Variants in DHX58 observed in about 807,000 individuals in gnomAD.
The protein encoded by DHX58 is ATP-dependent RNA helicase DHX58.
A neutral mutation model predicts 65.0 loss-of-function variants in DHX58; 51 were observed. The ratio of observed to expected loss-of-function variants is 0.78; its 90% CI spans 0.63 to 0.99. The LOEUF is 0.99. DHX58 is among the 50% of genes least tolerant of loss of function. The pLI, the probability that DHX58 is intolerant of heterozygous loss-of-function variation, is 0.00. For synonymous variants in DHX58, 350 were observed against 365.0 expected, an observed-to-expected ratio of 0.96 and a Z score of 0.47; for missense variants, 773 against 891.8, an observed-to-expected ratio of 0.87 and a Z score of 1.70.
chr17:42,108,750 A>C (rs1273415986), intron 6 of DHX58, among the ~76,000 whole-genome samples: 2 of 151,022 alleles, frequency 1.3e-5, no homozygotes, highest in Non-Finnish European at 3.0e-5. Flanking sequence ...CAGACAGCCC[A>C]GATAAAGGTG....
Position 42,107,760 on chromosome 17 carries a change from C to T in DHX58, c.841G>A (p.Ala281Thr), listed in dbSNP as rs782754540. 11 of 1,595,182 alleles carry T rather than the reference C, an allele frequency of 6.9e-6. No homozygotes were observed. The East Asian group carries it at 2.0e-4, about 30-fold the overall frequency. Residue 281 changes from alanine (A) to threonine (T), a missense_variant, in exon 8 of 14, where the codon GCG (alanine) becomes ACG (threonine). Physicochemically the swap from Ala to Thr is moderately conservative, Grantham distance 58. Transcript: ENST00000251642. ...TCATTGTAGCGCCTCAGGTGAAGCG[C>T]ATACACCCGTTGCTCCTGAAGCCCA... The part of the protein sequence containing the change: ...LAGLQEQRVY[A>T]LHLRRYNDAL...
chr17:42,101,638 G>T lies in DHX58; in HGVS notation c.*123C>A. 1 of 1,361,164 alleles carries T rather than the reference G, an allele frequency of 7.3e-7. No homozygotes were observed. Among genetic ancestry groups the T allele is most frequent in the Non-Finnish European group, 1.0e-6 (1 of 995,588 alleles). 84.3% of individuals were successfully genotyped at this position (1,361,164 alleles called of 1,614,324 possible). A position where few individuals can be genotyped will look rare whatever the true frequency, so the allele number is the denominator to read the frequency against. ...CGGGAGCCTAAGCCAGGGTGCCCAG[G>T]ACTCCTGTGTGGCTGGTGGGCCTGA... On this transcript the variant is annotated 3_prime_UTR_variant, in exon 14 of 14. Transcript: ENST00000251642.
intron 7 of DHX58, 73 bp from the exon 8 acceptor site, chr17:42,107,868 C>T (rs920179457): frequency 1.3e-6 from 2 of 1,549,134 alleles, no homozygotes; most frequent in Admixed American, 3.9e-5. Flanking sequence ...GGCCGTCCCA[C>T]TCGACTCCAC....
chr17:42,108,787 T>A (rs1168106225), intron 6 of DHX58, among the ~76,000 whole-genome samples: 1 of 152,224 alleles, frequency 6.6e-6, no homozygotes, highest in Non-Finnish European at 1.5e-5. Flanking sequence ...CGCTGCTGAA[T>A]AAAACTACAT....
Position 42,105,951 on chromosome 17 carries a change from G to T in DHX58, c.1036C>A (p.Pro346Thr). Residue 346 changes from proline to threonine, a missense_variant, in exon 9 of 14, where the codon CCA becomes ACA. Coordinates refer to ENST00000251642, the MANE Select transcript of DHX58 (RefSeq NM_024119.3). ...AGCATCTCCAGTTTTGGATTCTCTG[G>T]GCCATGAGTTGCCAAGTGGGCCAGC... ...NELAHLATHGPENPKLEMLEK... is the reference protein window; with the variant it reads ...NELAHLATHGTENPKLEMLEK... 6.2e-7 allele frequency: 1 copy of T among 1,613,658 alleles called. No individual in the cohort carries two copies. Among genetic ancestry groups the T allele is most frequent in the Non-Finnish European group, 8.5e-7 (1 of 1,179,956 alleles).
rs1555661564 is a variant in DHX58, at chr17:42,101,771, G to C, written c.2027C>G (p.Ser676Cys). ...GCAGCAATGAGGTGGTCAGTCCAGGGAGAGGTCCGACAAGTTCTCGGCACA... is the reference window on the plus strand; with the variant it reads ...GCAGCAATGAGGTGGTCAGTCCAGGCAGAGGTCCGACAAGTTCTCGGCACA... Reference protein sequence around the residue: ...QHCAENLSDLSLD With the variant: ...QHCAENLSDLCLD Residue 676 changes from serine (S) to cysteine (C), a missense_variant, in exon 14 of 14, where the codon TCC (serine) becomes TGC (cysteine). Ser to Cys is a moderately radical substitution (Grantham distance 112). Coordinates refer to ENST00000251642, the MANE Select transcript of DHX58 (RefSeq NM_024119.3). 3.7e-6 allele frequency: 6 copies of C among 1,614,152 alleles called. No homozygotes were observed. The highest frequency in any genetic ancestry group is 5.1e-6 in the Non-Finnish European group (6 of 1,180,024).
At chr17:42,107,458 G>T (rs1251759016) in intron 8 of DHX58, 146 bp downstream of exon 8, 11 of 879,576 alleles carry the variant, frequency 1.3e-5, no homozygotes, top group Non-Finnish European at 1.8e-5. Flanking sequence ...CCTACCCATG[G>T]CCTTGGATTT....
At chr17:42,111,625 G>A in intron 3 of DHX58, 100 bp downstream of exon 3, 1 of 1,567,306 alleles carries the variant, frequency 6.4e-7, no homozygotes. Context: ...GCTTAGCGAT[G>A]GCCACAGCAG....
At chr17:42,110,987 C>G in intron 4 of DHX58, 74 bp from the exon 5 acceptor site, 4 of 1,468,532 alleles carry the variant, frequency 2.7e-6, no homozygotes, top group Non-Finnish European at 3.7e-6. Context: ...AAGTAGTCCC[C>G]ACAATGATGT....
At position 42,106,815 on chromosome 17, in the gene DHX58, A is replaced by G. The variant is rs145944253; in HGVS notation, c.997+789T>C. Among the ~76,000 whole-genome samples the G allele has an allele frequency of 5.3e-3, 806 of 151,496 alleles. 6 individuals are homozygous for G. The highest frequency in any genetic ancestry group is 0.019 in the African/African-American group (762 of 41,122). On this transcript the variant is annotated intron_variant, in intron 8 of 13. Transcript: ENST00000251642. Reference sequence around the variant, plus strand: ...ACTCCCTCTCAAAAAAACAAAAACAAAAACAAAAAAGGATGCCTCCTACCG... The same window carrying G: ...ACTCCCTCTCAAAAAAACAAAAACAGAAACAAAAAAGGATGCCTCCTACCG...
intron 11 of DHX58, among the ~76,000 whole-genome samples, chr17:42,104,257 G>A (rs1266262947): frequency 1.3e-5 from 2 of 152,040 alleles, no homozygotes; most frequent in African/African-American, 4.8e-5. Flanking sequence ...GTAGTCGGGG[G>A]CAACAGTGGG....
chr17:42,112,081 T>G, intron 2 of DHX58, 32 bp downstream of exon 2: 1 of 684,622 alleles, frequency 1.5e-6, no homozygotes, highest in Non-Finnish European at 2.3e-6. Flanking sequence ...TAACACAGGC[T>G]ACACCTGCCC....
In DHX58 at chr17:42,108,592, C is replaced by T. The variant is rs535097694; in HGVS notation, c.679-484G>A. On this transcript the variant is annotated intron_variant, in intron 6 of 13. Coordinates refer to ENST00000251642, the MANE Select transcript of DHX58 (RefSeq NM_024119.3). ...GCTACTAACCCCTGCAAGGGACAGC[C>T]GGTCGCCTTGAAGGTGGGCAGTGGG... Among the ~76,000 whole-genome samples, 44 of 152,316 alleles carry T rather than the reference C, an allele frequency of 2.9e-4. 1 individual carries two copies. The South Asian group carries it at 7.7e-3, about 27-fold the overall frequency.
intron 4 of DHX58, 23 bp from the exon 5 acceptor site, chr17:42,110,936 T>C (rs782801247): frequency 6.4e-7 from 1 of 1,564,616 alleles, no homozygotes; most frequent in Non-Finnish European, 8.7e-7. Flanking sequence ...GGGGGAAGGC[T>C]GTGACCTATG....
rs114326479 is a variant in DHX58 at position 42,108,125 on chromosome 17, T to C, written c.679-17A>G. On this transcript the variant is annotated splice_polypyrimidine_tract_variant and intron_variant, in intron 6 of 13. Coordinates refer to ENST00000251642, the MANE Select transcript of DHX58 (RefSeq NM_024119.3). ...AAACGGATCCTGAGCAAGAGGAGAG[T>C]TGGAGGGGATTCCCATACACGTTGG... is the stretch of plus-strand genomic sequence containing the variant. 3 of 1,613,936 alleles carry C rather than the reference T, an allele frequency of 1.9e-6. No homozygotes were observed. In the South Asian group the frequency reaches 3.3e-5, roughly 18 times the overall value.
At position 42,107,963 on chromosome 17, in the gene DHX58, G is replaced by T; in HGVS notation, c.805+19C>A. 6.2e-7 allele frequency: 1 copy of T among 1,613,890 alleles called. No homozygotes were observed. Among genetic ancestry groups the T allele is most frequent in the Non-Finnish European group, 8.5e-7 (1 of 1,179,970 alleles). ...CACTCCCACATCCTCGCCTCCGCCA[G>T]AAGGGCTGCCCCTCTCACCAGCCTC... On this transcript the variant is annotated intron_variant, in intron 7 of 13. Transcript: ENST00000251642.
rs568281152 is a variant in DHX58, at chr17:42,107,729, A to C, written c.872T>G (p.Leu291Arg). The change falls in exon 8 of 14, where the codon CTG becomes CGG. Residue 291 changes from leucine to arginine, a missense_variant. Coordinates refer to ENST00000251642, the MANE Select transcript of DHX58 (RefSeq NM_024119.3). Reference protein sequence around the residue: ...ALHLRRYNDALLIHDTVRAVD... With the variant: ...ALHLRRYNDARLIHDTVRAVD... ...GGCGCGGACGGTGTCATGGATGAGC[A>C]GCGCGTCATTGTAGCGCCTCAGGTG... 1 of 1,607,890 alleles carries C rather than the reference A, an allele frequency of 6.2e-7. No homozygotes were observed. Among genetic ancestry groups the C allele is most frequent in the South Asian group, 1.1e-5 (1 of 89,898 alleles).
At chr17:42,107,918 C>A (rs907615773) in intron 7 of DHX58, 64 bp downstream of exon 7, 408 of 1,605,378 alleles carry the variant, frequency 2.5e-4, no homozygotes, top group South Asian at 2.6e-4. Flanking sequence ...GCCTCCGCCC[C>A]GGCAGGCCCC....
At chr17:42,111,113 T>C (rs2054143582) in intron 4 of DHX58, among the ~76,000 whole-genome samples, 183 bp downstream of exon 4, 1 of 152,170 alleles carries the variant, frequency 6.6e-6, no homozygotes, top group African/African-American at 2.4e-5. Context: ...GGGAAGGGAC[T>C]GGCCTAAGAT....
Sources: gnomAD v4.1 joint callset for allele counts (sites outside exome capture counted in the v4.1 genomes callset) on GRCh38, gnomAD v4.1.1 for gene constraint, MANE v1.5 for transcripts, NCBI Gene and HGNC (gene_info 2026-07-23, HGNC 2026-07-21) for gene names.